Variants in CHD6 observed in about 807,000 individuals in gnomAD.
CHD6 encodes chromodomain helicase DNA binding protein 6.
Under a neutral mutation model 276.9 loss-of-function variants are expected in CHD6, and 50 were observed. The observed-to-expected ratio is 0.18, with a 90% CI of 0.14 to 0.23. The LOEUF is 0.23. Ranked by LOEUF, CHD6 falls within the 10% of genes least tolerant of loss-of-function variation. The pLI, the probability that CHD6 is intolerant of heterozygous loss-of-function variation, is 1.00. For synonymous variants in CHD6, 1,173 were observed against 1,229.3 expected (o/e 0.95, Z 0.96); for missense variants, 2,564 against 3,365.8 (o/e 0.76, Z 5.89).
intron 1 of CHD6, among the ~76,000 whole-genome samples, chr20:41,599,194 T>C (rs949897683): frequency 9.2e-5 from 14 of 152,160 alleles, no homozygotes; most frequent in African/African-American, 3.4e-4. Context: ...AACAGCCAAA[T>C]GGCTTGGGAA....
chr20:41,585,102 C>T (rs2045579858), intron 1 of CHD6, among the ~76,000 whole-genome samples: 1 of 152,052 alleles, frequency 6.6e-6, no homozygotes, highest in African/African-American at 2.4e-5. Flanking sequence ...ATGAGGTATA[C>T]ATTAAAGGAA....
chr20:41,599,209 G>C (rs1159294390), intron 1 of CHD6, among the ~76,000 whole-genome samples: 1 of 152,162 alleles, frequency 6.6e-6, no homozygotes, highest in African/African-American at 2.4e-5. Context: ...TGGGAAAACA[G>C]GATAGCCCTG....
chr20:41,427,015 G>C (rs957839095), intron 27 of CHD6, among the ~76,000 whole-genome samples: 4 of 152,174 alleles, frequency 2.6e-5, no homozygotes, highest in African/African-American at 9.7e-5. Flanking sequence ...GGGTCAGAAA[G>C]AAGGGTCAGC....
At chr20:41,566,807 A>G (rs1003414451) in intron 1 of CHD6, among the ~76,000 whole-genome samples, 2 of 152,108 alleles carry the variant, frequency 1.3e-5, no homozygotes, top group African/African-American at 4.8e-5. Flanking sequence ...CGTGAACAAT[A>G]AACTGCTGCT....
At chr20:41,528,939 T>C (rs2044612447) in intron 3 of CHD6, among the ~76,000 whole-genome samples, 1 of 152,176 alleles carries the variant, frequency 6.6e-6, no homozygotes, top group Non-Finnish European at 1.5e-5. Context: ...GTATGCAAAC[T>C]GAAATTCTAT....
intron 23 of CHD6, among the ~76,000 whole-genome samples, chr20:41,449,578 G>A (rs370070027): frequency 1.3e-5 from 2 of 152,318 alleles, no homozygotes; most frequent in South Asian, 2.1e-4. Flanking sequence ...CTCCAAGCTG[G>A]TGTCTGAACT....
intron 25 of CHD6, among the ~76,000 whole-genome samples, chr20:41,445,382 A>G (rs558316104): frequency 6.6e-6 from 1 of 152,316 alleles, no homozygotes; most frequent in Non-Finnish European, 1.5e-5. Flanking sequence ...AGGCAGTCCC[A>G]TATCCGACAG....
intron 3 of CHD6, among the ~76,000 whole-genome samples, chr20:41,521,172 C>G (rs565087092): frequency 6.6e-6 from 1 of 152,170 alleles, no homozygotes; most frequent in African/African-American, 2.4e-5. Flanking sequence ...GCTGAAACAA[C>G]TGAATCCATG....
intron 1 of CHD6, among the ~76,000 whole-genome samples, chr20:41,598,424 G>C (rs1031043315): frequency 6.6e-6 from 1 of 150,916 alleles, no homozygotes; most frequent in South Asian, 2.2e-4. Flanking sequence ...GGCTAGCACG[G>C]ATTAAATATT....
chr20:41,486,144 G>C (rs1408070743), intron 14 of CHD6: 3 of 152,128 alleles, frequency 2.0e-5, no homozygotes, highest in Non-Finnish European at 4.4e-5. Context: ...AACCTAAAGA[G>C]AAAAGACACA....
At chr20:41,562,709 C>G (rs954235861) in intron 1 of CHD6, among the ~76,000 whole-genome samples, 4 of 152,082 alleles carry the variant, frequency 2.6e-5, no homozygotes, top group African/African-American at 9.7e-5. Flanking sequence ...AAAAAATATC[C>G]TTATCTGTAA....
At chr20:41,475,499 A>T (rs1170840206) in intron 16 of CHD6, among the ~76,000 whole-genome samples, 1 of 152,224 alleles carries the variant, frequency 6.6e-6, no homozygotes, top group Non-Finnish European at 1.5e-5. Flanking sequence ...CTCTAACAGG[A>T]GATGGAAACA....
At chr20:41,611,913 C>T (rs1419545484) in intron 1 of CHD6, among the ~76,000 whole-genome samples, 2 of 152,188 alleles carry the variant, frequency 1.3e-5, no homozygotes, top group African/African-American at 4.8e-5. Flanking sequence ...GCTGGGATTA[C>T]AGGTGTGAGC....
intron 27 of CHD6, 123 bp from the exon 28 acceptor site, chr20:41,426,276 C>A: frequency 1.3e-6 from 1 of 765,484 alleles, no homozygotes; most frequent in East Asian, 2.4e-5. Flanking sequence ...ATGAACAACT[C>A]AGACCAAGAT....
At chr20:41,470,683 A>C (rs1054141921) in intron 17 of CHD6, among the ~76,000 whole-genome samples, 1 of 152,244 alleles carries the variant, frequency 6.6e-6, no homozygotes, top group Non-Finnish European at 1.5e-5. Flanking sequence ...TATTCTGGAC[A>C]GTCCCACCCA....
intron 5 of CHD6, among the ~76,000 whole-genome samples, chr20:41,499,816 A>C (rs1158661474): frequency 1.3e-5 from 2 of 152,152 alleles, no homozygotes; most frequent in African/African-American, 4.8e-5. Context: ...TACATATCTC[A>C]CTGAATTAGT....
At chr20:41,424,712 C>T (rs2047306505) in intron 29 of CHD6, among the ~76,000 whole-genome samples, 1 of 152,206 alleles carries the variant, frequency 6.6e-6, no homozygotes, top group Non-Finnish European at 1.5e-5. Flanking sequence ...GCTTAATTCT[C>T]AGATGGGCAA....
chr20:41,480,021 G>GA (rs1435976930), intron 16 of CHD6, among the ~76,000 whole-genome samples: 3 of 152,162 alleles, frequency 2.0e-5, no homozygotes, highest in African/African-American at 7.2e-5. Flanking sequence ...TTACAACCTA[G>GA]AATCTCAAAT....
chr20:41,589,381 G>A (rs1251618745), intron 1 of CHD6, among the ~76,000 whole-genome samples: 1 of 152,122 alleles, frequency 6.6e-6, no homozygotes, highest in Non-Finnish European at 1.5e-5. Flanking sequence ...AATCAGGCAG[G>A]AGAAAGAAAT....
Sources: gnomAD v4.1 joint callset for allele counts (sites outside exome capture counted in the v4.1 genomes callset) on GRCh38, gnomAD v4.1.1 for gene constraint, MANE v1.5 for transcripts, NCBI Gene and HGNC (gene_info 2026-07-23, HGNC 2026-07-21) for gene names.